CTNND2: variants seen among roughly 807,000 people sequenced by gnomAD.
The protein encoded by CTNND2 is catenin delta-2.
A neutral mutation model predicts 144.4 loss-of-function variants in CTNND2; 22 were observed. The observed-to-expected ratio is 0.15, with a 90% CI of 0.11 to 0.22. The LOEUF (loss-of-function observed/expected upper bound fraction) is 0.22, where lower values mean the gene tolerates loss of function less well. Among genes scored for constraint, CTNND2 ranks in the 10% least tolerant of loss-of-function variants. The pLI is 1.00. For synonymous variants in CTNND2, 751 were observed against 695.6 expected, an observed-to-expected ratio of 1.08 and a Z score of -1.25; for missense variants, 1,353 against 1,618.8, an observed-to-expected ratio of 0.84 and a Z score of 2.82.
chr5:11,550,965 T>C (rs1160279749), intron 3 of CTNND2, among the ~76,000 whole-genome samples: 1 of 152,206 alleles, frequency 6.6e-6, no homozygotes, highest in African/African-American at 2.4e-5. Context: ...TTCTCAGCCC[T>C]AGCTCTGCAG....
At chr5:11,275,060 A>G (rs527341193) in intron 9 of CTNND2, among the ~76,000 whole-genome samples, 1 of 152,260 alleles carries the variant, frequency 6.6e-6, no homozygotes, top group South Asian at 2.1e-4. Flanking sequence ...CTCTCCATAG[A>G]TAAACTTATG....
At position 10,973,480 on chromosome 5, in the gene CTNND2, G is replaced by A; in HGVS notation, c.3651C>T (p.Tyr1217=). The change falls in exon 22 of 22, where the codon TAC becomes TAT. Residue 1217 remains tyrosine (Y), a synonymous_variant. Coordinates refer to ENST00000304623, the MANE Select transcript of CTNND2 (RefSeq NM_001332.4). This position sits in a 1 kb window ranked among gnomAD's most constrained non-coding sequence, Gnocchi z 5.6. The stretch of plus-strand genomic sequence containing the variant: ...ACACCCAGGAGTCGGGGGAGGCCGG[G>A]TAGTGGCTCGTTTCATAGTTCAGTT... ...YSELNYETSH[Y]PASPDSWV 1 of 1,597,932 alleles carries A rather than the reference G, an allele frequency of 6.3e-7. No individual in the cohort carries two copies. The highest frequency in any genetic ancestry group is 8.5e-7 in the Non-Finnish European group (1 of 1,170,362).
chr5:11,692,908 A>G (rs1330659612), intron 2 of CTNND2, among the ~76,000 whole-genome samples: 2 of 152,176 alleles, frequency 1.3e-5, no homozygotes, highest in African/African-American at 2.4e-5. Flanking sequence ...AGCTGGGTCA[A>G]CATTTTTAAA....
intron 15 of CTNND2, among the ~76,000 whole-genome samples, chr5:11,096,243 T>C (rs1203603746): frequency 6.6e-6 from 1 of 152,204 alleles, no homozygotes; most frequent in African/African-American, 2.4e-5. Flanking sequence ...GGTATACACA[T>C]ACCATGGTGG....
intron 1 of CTNND2, among the ~76,000 whole-genome samples, chr5:11,806,743 A>G (rs960894398): frequency 2.6e-5 from 4 of 152,146 alleles, no homozygotes; most frequent in Admixed American, 2.6e-4. Flanking sequence ...TTATATATAT[A>G]ACACTGAGAA....
intron 3 of CTNND2, among the ~76,000 whole-genome samples, chr5:11,513,563 T>G (rs903452813): frequency 6.6e-6 from 1 of 152,220 alleles, no homozygotes; most frequent in South Asian, 2.1e-4. Context: ...TTTTCACTAA[T>G]AATAATTATC....
At chr5:11,432,231 C>T (rs1375852996) in intron 3 of CTNND2, among the ~76,000 whole-genome samples, 1 of 137,562 alleles carries the variant, frequency 7.3e-6, no homozygotes, top group East Asian at 2.1e-4. Flanking sequence ...CCTGGCAACA[C>T]AGAAAGTGTT....
At chr5:11,017,383 G>A (rs1338750696) in intron 18 of CTNND2, among the ~76,000 whole-genome samples, 2 of 151,850 alleles carry the variant, frequency 1.3e-5, no homozygotes, top group East Asian at 1.9e-4. Context: ...GGTGATCCAC[G>A]TTTGTCACTG....
At chr5:11,802,370 C>T (rs1287500384) in intron 1 of CTNND2, among the ~76,000 whole-genome samples, 1 of 151,874 alleles carries the variant, frequency 6.6e-6, no homozygotes, top group Non-Finnish European at 1.5e-5. Context: ...GAGTTTGAAA[C>T]CAGCCTGACC....
intron 3 of CTNND2, among the ~76,000 whole-genome samples, chr5:11,542,993 C>A (rs1774891705): frequency 6.6e-6 from 1 of 152,226 alleles, no homozygotes; most frequent in South Asian, 2.1e-4. Context: ...GGATTGTCTG[C>A]CATTGGATAA....
chr5:11,154,050 G>A (rs773224359), intron 12 of CTNND2, among the ~76,000 whole-genome samples: 6 of 152,122 alleles, frequency 3.9e-5, no homozygotes, highest in East Asian at 1.9e-4. Context: ...GATATGCATC[G>A]GTGATATTTT....
chr5:11,146,008 T>G (rs984526380), intron 12 of CTNND2, among the ~76,000 whole-genome samples: 2 of 152,128 alleles, frequency 1.3e-5, no homozygotes, highest in African/African-American at 4.8e-5. Context: ...CTGGGGTGGG[T>G]TCCTAGAGTT....
chr5:11,399,519 C>T (rs1021437048), intron 5 of CTNND2, among the ~76,000 whole-genome samples: 12 of 152,164 alleles, frequency 7.9e-5, no homozygotes, highest in African/African-American at 2.9e-4. Flanking sequence ...CAATTATCTC[C>T]AGAAACTTAC....
chr5:11,656,769 A>G (rs1226949476), intron 2 of CTNND2, among the ~76,000 whole-genome samples: 3 of 152,110 alleles, frequency 2.0e-5, no homozygotes, highest in Non-Finnish European at 4.4e-5. Context: ...CAATGATAAA[A>G]CAGTCCATCC....
chr5:11,368,452 T>C (rs935025404), intron 7 of CTNND2, among the ~76,000 whole-genome samples: 1 of 152,044 alleles, frequency 6.6e-6, no homozygotes, highest in African/African-American at 2.4e-5. Context: ...GAGGGAGGTA[T>C]AGATTCTAGG....
At position 11,903,764 on chromosome 5, in the gene CTNND2, C is replaced by T. The variant is rs1259933756; in HGVS notation, c.37+53G>A. 1.4e-6 allele frequency: 2 copies of T among 1,458,236 alleles called. No individual in the cohort carries two copies. Among genetic ancestry groups the T allele is most frequent in the African/African-American group, 1.5e-5 (1 of 67,590 alleles). The allele number at this position is 1,458,236 out of a possible 1,614,324, so 90.3% of individuals were successfully genotyped here. A position where few individuals can be genotyped will look rare whatever the true frequency, so the allele number is the denominator to read the frequency against. Reference sequence around the variant, plus strand: ...CCCACCAGCGGCAAGAGGAGGAGGACGGCGCCGGGAGGAGGCTGCGCCCGG... The same window carrying T: ...CCCACCAGCGGCAAGAGGAGGAGGATGGCGCCGGGAGGAGGCTGCGCCCGG... On this transcript the variant is annotated intron_variant, in intron 1 of 21. Transcript: ENST00000304623. The surrounding 1 kb of genome is among the most constrained non-coding windows in gnomAD (Gnocchi z 5.4).
chr5:11,240,172 A>C (rs1742082095), intron 9 of CTNND2, among the ~76,000 whole-genome samples: 3 of 128,218 alleles, frequency 2.3e-5, no homozygotes, highest in Non-Finnish European at 5.0e-5. Flanking sequence ...ACACACCAAC[A>C]CACACACTCA....
At chr5:11,664,155 G>A (rs913435898) in intron 2 of CTNND2, among the ~76,000 whole-genome samples, 1 of 152,136 alleles carries the variant, frequency 6.6e-6, no homozygotes, top group African/African-American at 2.4e-5. Flanking sequence ...TGCTAACCTT[G>A]ATACCTTTAT....
At chr5:11,428,008 A>T (rs914547922) in intron 3 of CTNND2, among the ~76,000 whole-genome samples, 2 of 152,182 alleles carry the variant, frequency 1.3e-5, no homozygotes, top group Non-Finnish European at 2.9e-5. Flanking sequence ...ATGAGGAAGA[A>T]GCAAAAGCAG....
Sources: allele counts gnomAD v4.1 joint callset (sites outside exome capture counted in the v4.1 genomes callset), GRCh38; gene constraint gnomAD v4.1.1; non-coding constraint Gnocchi (gnomAD v3.1); transcripts MANE v1.5; gene names NCBI Gene and HGNC (gene_info 2026-07-23, HGNC 2026-07-21).